The following ACTR3 variants were observed in gnomAD, a reference collection of about 807,000 sequenced individuals.
ACTR3 encodes actin-related protein 3.
Under a neutral mutation model 56.8 loss-of-function variants are expected in ACTR3, and 12 were observed. The ratio of observed to expected loss-of-function variants is 0.21; its 90% confidence interval spans 0.14 to 0.34. ACTR3 has a LOEUF of 0.34. Among genes scored for constraint, ACTR3 ranks in the 10% least tolerant of loss-of-function variants. The pLI, the probability that ACTR3 is intolerant of heterozygous loss-of-function variation, is 1.00. For missense variants in ACTR3, 282 were observed against 512.5 expected, an observed-to-expected ratio of 0.55 and a Z score of 4.34; for synonymous variants, 162 against 167.4, an observed-to-expected ratio of 0.97 and a Z score of 0.25.
At chr2:113,900,929 G>A (rs1366880717) in intron 1 of ACTR3, among the ~76,000 whole-genome samples, 1 of 152,202 alleles carries the variant, frequency 6.6e-6, no homozygotes, top group Non-Finnish European at 1.5e-5. Flanking sequence ...GAGGGAATTG[G>A]AAAAGTTTTT....
In ACTR3 at chr2:113,959,113, A is replaced by G. The variant is rs937855186; in HGVS notation, c.*1658A>G. 2 of 152,068 alleles carry G rather than the reference A, an allele frequency of 1.3e-5. No homozygotes were observed. Among genetic ancestry groups the G allele is most frequent in the African/African-American group, 2.4e-5 (1 of 41,446 alleles). 9.4% of individuals were successfully genotyped at this position (152,068 alleles called of 1,614,324 possible). Reference sequence around the variant, plus strand: ...ATTATAAAAATACTATTCAAACAGTACCAAAGAGTAGATTAGCAAAAGTAA... The same window carrying G: ...ATTATAAAAATACTATTCAAACAGTGCCAAAGAGTAGATTAGCAAAAGTAA... On this transcript the variant is annotated 3_prime_UTR_variant, in exon 12 of 12. Transcript: ENST00000263238.
At chr2:113,938,983 G>A (rs896079134) in intron 6 of ACTR3, among the ~76,000 whole-genome samples, 2 of 151,628 alleles carry the variant, frequency 1.3e-5, no homozygotes, top group Admixed American at 1.3e-4. Context: ...AAGTATCTCT[G>A]CCCTACTCTG....
intron 3 of ACTR3, among the ~76,000 whole-genome samples, chr2:113,923,318 ATTTG>A (rs139721258): frequency 0.34 from 18,396 of 54,602 alleles, 1,805 homozygotes; most frequent in African/African-American, 0.41. Context: ...AACATGGAAT[ATTTG>A]TTTGTTTGTT....
rs1043410577 is a variant in ACTR3 at position 113,958,401 on chromosome 2, A to G, written c.*946A>G. ...CAATACAAATACTTGTGAACTTTTA[A>G]TATGTTGAGTGCTTTCATTTTGATA... On this transcript the variant is annotated 3_prime_UTR_variant, in exon 12 of 12. Coordinates refer to ENST00000263238, the MANE Select transcript of ACTR3 (RefSeq NM_005721.5). The G allele has an allele frequency of 5.9e-5, 9 of 152,504 alleles. No individual in the cohort carries two copies. The highest frequency in any genetic ancestry group is 1.0e-4 in the Non-Finnish European group (7 of 67,970). The allele number at this position is 152,504 out of a possible 1,614,324, so 9.4% of individuals were successfully genotyped here.
In ACTR3 at chr2:113,928,879, G is replaced by A. The variant is rs185569902; in HGVS notation, c.336+1424G>A. On this transcript the variant is annotated intron_variant, in intron 4 of 11. Coordinates refer to ENST00000263238, the MANE Select transcript of ACTR3 (RefSeq NM_005721.5). The stretch of plus-strand genomic sequence containing the variant: ...TCATGCCCTTTTGTAATTAATCTCT[G>A]CCCCCGTGCCCTAGTGACAACCACT... 1.6e-4 allele frequency among the ~76,000 whole-genome samples: 24 copies of A among 152,240 alleles called. No individual in the cohort carries two copies. The East Asian group carries it at 3.9e-3, about 25-fold the overall frequency.
At position 113,897,529 on chromosome 2, in the gene ACTR3, T is replaced by A. The variant is rs555416874; in HGVS notation, c.44+7206T>A. 1.4e-4 allele frequency among the ~76,000 whole-genome samples: 20 copies of A among 145,096 alleles called. 2 individuals are homozygous for A. Among genetic ancestry groups the A allele is most frequent in the African/African-American group, 4.3e-4 (17 of 39,662 alleles). ...TGTGGCCAGATGTTATTTTTTTTTT[T>A]TTTTTTTTTTTTTTTGAGGCAGAGT... On this transcript the variant is annotated intron_variant, in intron 1 of 11. Coordinates refer to ENST00000263238, the MANE Select transcript of ACTR3 (RefSeq NM_005721.5).
intron 4 of ACTR3, among the ~76,000 whole-genome samples, chr2:113,929,161 A>G (rs1234339753): frequency 6.8e-6 from 1 of 147,470 alleles, no homozygotes; most frequent in African/African-American, 2.5e-5. Flanking sequence ...TTGTTTTTTT[A>G]AGACAGGGTT....
At chr2:113,918,706 G>A (rs1679453196) in intron 3 of ACTR3, among the ~76,000 whole-genome samples, 1 of 152,086 alleles carries the variant, frequency 6.6e-6, no homozygotes, top group Admixed American at 6.5e-5. Context: ...TAAGGCTTAA[G>A]GAGATGTGTA....
intron 3 of ACTR3, 36 bp downstream of exon 3, chr2:113,917,044 A>G (rs1345026518): frequency 6.4e-7 from 1 of 1,556,950 alleles, no homozygotes; most frequent in East Asian, 2.3e-5. Flanking sequence ...AACATTTTCA[A>G]AAAATAGTTT....
chr2:113,897,971 G>GGGAA (rs1679040512), intron 1 of ACTR3, among the ~76,000 whole-genome samples: 1 of 152,100 alleles, frequency 6.6e-6, no homozygotes, highest in African/African-American at 2.4e-5. Flanking sequence ...CAATGCTCTT[G>GGGAA]GGAAGGGTTT....
chr2:113,910,823 T>A (rs1403125668), intron 1 of ACTR3, among the ~76,000 whole-genome samples: 1 of 152,208 alleles, frequency 6.6e-6, no homozygotes, highest in East Asian at 1.9e-4. Flanking sequence ...TTGGAAATAC[T>A]GTTTTGTCCT....
intron 3 of ACTR3, among the ~76,000 whole-genome samples, chr2:113,924,709 A>G (rs78829973): frequency 6.6e-6 from 1 of 151,998 alleles, no homozygotes; most frequent in Non-Finnish European, 1.5e-5. Flanking sequence ...TTTGTATACC[A>G]TGCAGTGTTT....
In ACTR3 at chr2:113,957,706, T is replaced by C. The variant is rs1045230540; in HGVS notation, c.*251T>C. On this transcript the variant is annotated 3_prime_UTR_variant, in exon 12 of 12. Transcript: ENST00000263238. ...AACAAAAAGAAGTGGGTTTTAGTTC[T>C]TTCTGTGCCCTGATATTTTGTATAT... is the stretch of plus-strand genomic sequence containing the variant. 1 of 414,912 alleles carries C rather than the reference T, an allele frequency of 2.4e-6. No individual in the cohort carries two copies. The highest frequency in any genetic ancestry group is 2.0e-5 in the African/African-American group (1 of 50,754). The allele number at this position is 414,912 out of a possible 1,614,324, so 25.7% of individuals were successfully genotyped here.
intron 8 of ACTR3, among the ~76,000 whole-genome samples, chr2:113,948,900 T>C (rs1461659169): frequency 1.2e-5 from 1 of 85,318 alleles, no homozygotes; most frequent in Non-Finnish European, 2.0e-5. Context: ...TCCTTTACTA[T>C]CATTCTAGGG....
chr2:113,890,076 C>T, upstream of ACTR3: 2 of 613,164 alleles, frequency 3.3e-6, no homozygotes, highest in African/African-American at 3.8e-5. Flanking sequence ...GCGGGGACTG[C>T]CTGCCTGCCT....
chr2:113,901,406 A>G (rs1679097226), intron 1 of ACTR3, among the ~76,000 whole-genome samples: 1 of 152,238 alleles, frequency 6.6e-6, no homozygotes, highest in Non-Finnish European at 1.5e-5. Context: ...GGGCTTTGGT[A>G]TTGTATGACG....
intron 1 of ACTR3, among the ~76,000 whole-genome samples, chr2:113,902,202 C>T (rs1679112407): frequency 6.6e-6 from 1 of 151,966 alleles, no homozygotes; most frequent in Admixed American, 6.6e-5. Flanking sequence ...TGGTATAAAA[C>T]TCATCTTTCT....
chr2:113,954,461 A>G (rs1325038704), intron 10 of ACTR3: 1 of 151,846 alleles, frequency 6.6e-6, no homozygotes, highest in Non-Finnish European at 1.5e-5. Flanking sequence ...TCCCACATTC[A>G]TTTATTCTTT....
At chr2:113,957,223 C>T in intron 11 of ACTR3, 137 bp from the exon 12 acceptor site, 1 of 560,324 alleles carries the variant, frequency 1.8e-6, no homozygotes, top group Non-Finnish European at 3.1e-6. Context: ...TCTAAGCTTT[C>T]ATGCCATGAA....
Sources: gnomAD v4.1 joint callset for allele counts (sites outside exome capture counted in the v4.1 genomes callset) on GRCh38, gnomAD v4.1.1 for gene constraint, MANE v1.5 for transcripts, NCBI Gene and HGNC (gene_info 2026-07-23, HGNC 2026-07-21) for gene names.